The following SNX4 variants were observed in gnomAD, a reference collection of about 807,000 sequenced individuals.
SNX4 encodes the protein sorting nexin 4.
A neutral mutation model predicts 70.8 loss-of-function variants in SNX4; 49 were observed. That is an observed-to-expected ratio of 0.69 (90% CI 0.55 to 0.88). The LOEUF (loss-of-function observed/expected upper bound fraction) is 0.88, where lower values mean the gene tolerates loss of function less well. Among genes scored for constraint, SNX4 ranks in the 40% least tolerant of loss-of-function variants. The pLI is 0.00. For synonymous variants in SNX4, 206 were observed against 183.8 expected, an observed-to-expected ratio of 1.12 and a Z score of -0.98; for missense variants, 528 against 544.8, an observed-to-expected ratio of 0.97 and a Z score of 0.31.
In SNX4 at chr3:125,500,142, G is replaced by C. The variant is rs888755894; in HGVS notation, c.264-1948C>G. On this transcript the variant is annotated intron_variant, in intron 2 of 13. Transcript: ENST00000251775. ...TCATTATAAACTGACTAAAAGCACA[G>C]AGAAGACTTTCATTAGACCCCAAAA... 5.6e-4 allele frequency among the ~76,000 whole-genome samples: 84 copies of C among 150,778 alleles called. 1 individual carries two copies. Among genetic ancestry groups the C allele is most frequent in the Admixed American group, 6.6e-4 (10 of 15,132 alleles).
chr3:125,462,497 G>C (rs534418848), intron 9 of SNX4, among the ~76,000 whole-genome samples: 63 of 151,004 alleles, frequency 4.2e-4, no homozygotes, highest in African/African-American at 1.5e-3. Flanking sequence ...GGCTAATTTG[G>C]GAGGAATGCC....
intron 8 of SNX4, among the ~76,000 whole-genome samples, chr3:125,475,993 G>T (rs1054387179): frequency 6.6e-6 from 1 of 151,346 alleles, no homozygotes; most frequent in African/African-American, 2.4e-5. Context: ...AAAAAACCGG[G>T]TGCAGTGGCA....
At chr3:125,467,732 G>A (rs572351878) in intron 9 of SNX4, among the ~76,000 whole-genome samples, 1 of 151,986 alleles carries the variant, frequency 6.6e-6, no homozygotes, top group Non-Finnish European at 1.5e-5. Flanking sequence ...ATTACTAAAA[G>A]GTCAAAAAAT....
chr3:125,495,744 C>T (rs1329664522), intron 5 of SNX4, among the ~76,000 whole-genome samples: 2 of 152,082 alleles, frequency 1.3e-5, no homozygotes, highest in Non-Finnish European at 1.5e-5. Flanking sequence ...CTATTAACTG[C>T]AGTAAAGACT....
chr3:125,471,594 A>T (rs1934176188), intron 8 of SNX4, among the ~76,000 whole-genome samples: 1 of 152,132 alleles, frequency 6.6e-6, no homozygotes, highest in South Asian at 2.1e-4. Context: ...TTCCATATGG[A>T]TTCACAACCT....
intron 9 of SNX4, among the ~76,000 whole-genome samples, chr3:125,463,906 C>T (rs984838853): frequency 2.0e-5 from 3 of 151,990 alleles, no homozygotes; most frequent in Non-Finnish European, 4.4e-5. Flanking sequence ...TTAATAGTGT[C>T]GCTTTTTAAA....
intron 2 of SNX4, among the ~76,000 whole-genome samples, chr3:125,501,846 T>C (rs766378433): frequency 6.6e-6 from 1 of 152,254 alleles, no homozygotes; most frequent in Admixed American, 6.5e-5. Context: ...CACACATTTA[T>C]TGATGATCTA....
At chr3:125,509,466 A>G (rs1250711025) in intron 1 of SNX4, among the ~76,000 whole-genome samples, 1 of 151,940 alleles carries the variant, frequency 6.6e-6, no homozygotes, top group Admixed American at 6.6e-5. Flanking sequence ...ATACAACCCA[A>G]TTGGGCTGGG....
chr3:125,503,789 A>G (rs1934982181), intron 2 of SNX4, among the ~76,000 whole-genome samples: 1 of 152,194 alleles, frequency 6.6e-6, no homozygotes, highest in African/African-American at 2.4e-5. Context: ...TATTTATTCC[A>G]GATTCCAAAA....
At position 125,465,939 on chromosome 3, in the gene SNX4, G is replaced by A. The variant is rs1053944540; in HGVS notation, c.854+3515C>T. Among the ~76,000 whole-genome samples, 28 of 152,168 alleles carry A rather than the reference G, an allele frequency of 1.8e-4. 1 individual carries two copies. The highest frequency in any genetic ancestry group is 4.6e-4 in the Admixed American group (7 of 15,280). ...ATTAAAAGTGTGAGCCATTGTGCCC[G>A]GCCCATGTAAACTTTAGAATTAGCA... On this transcript the variant is annotated intron_variant, in intron 9 of 13. Transcript: ENST00000251775.
Position 125,495,275 on chromosome 3 carries a change from T to TATATACAC in SNX4, c.597+2065_597+2066insGTGTATAT. Among the ~76,000 whole-genome samples the TATATACAC allele has an allele frequency of 1.1e-3, 95 of 83,060 alleles. 2 individuals carry two copies. The highest frequency in any genetic ancestry group is 3.2e-3 in the African/African-American group (89 of 27,588). The allele number at this position is 83,060 out of a possible 152,430, so 54.5% of individuals were successfully genotyped here. A position where few individuals can be genotyped will look rare whatever the true frequency, so the allele number is the denominator to read the frequency against. On this transcript the variant is annotated intron_variant, in intron 5 of 13. Coordinates refer to ENST00000251775, the MANE Select transcript of SNX4 (RefSeq NM_003794.4). ...TTATATATATATATATATATATATA[T>TATATACAC]ATACACATACACACACACACACGTA...
At chr3:125,492,107 C>CAAAAAAAAAA (rs60558490) in intron 5 of SNX4, among the ~76,000 whole-genome samples, 13 of 47,392 alleles carry the variant, frequency 2.7e-4, no homozygotes, top group East Asian at 7.1e-4. Flanking sequence ...GACTCCATCT[C>CAAAAAAAAAA]AAAAAAAAAA....
At chr3:125,504,565 A>C in intron 2 of SNX4, 58 bp downstream of exon 2, 4 of 1,520,502 alleles carry the variant, frequency 2.6e-6, no homozygotes, top group Non-Finnish European at 3.6e-6. Context: ...AGTCTGCATC[A>C]ATAGCTATCA....
At chr3:125,461,736 A>G (rs1933890278) in intron 9 of SNX4, among the ~76,000 whole-genome samples, 1 of 151,028 alleles carries the variant, frequency 6.6e-6, no homozygotes, top group South Asian at 2.1e-4. Context: ...ATCTTGGCTC[A>G]CTGCAAGCTC....
intron 5 of SNX4, among the ~76,000 whole-genome samples, chr3:125,490,608 C>T (rs981612031): frequency 6.6e-6 from 1 of 150,872 alleles, no homozygotes; most frequent in South Asian, 2.1e-4. Flanking sequence ...CAATTACTTT[C>T]TAGCTAGCAG....
chr3:125,519,938 G>A lies in SNX4; in HGVS notation c.141+94C>T, dbSNP rs1191527975. The A allele has an allele frequency of 4.8e-6, 4 of 835,456 alleles. No homozygotes were observed. The African/African-American group carries it at 1.0e-4, about 21-fold the overall frequency. The allele number at this position is 835,456 out of a possible 1,614,324, so 51.8% of individuals were successfully genotyped here. ...CTGGGCCTCCTCGGCCGAGCCCACT[G>A]GCCCGGCCCGGCCCAGCCCAGCCCA... On this transcript the variant is annotated intron_variant, in intron 1 of 13. Coordinates refer to ENST00000251775, the MANE Select transcript of SNX4 (RefSeq NM_003794.4).
intron 6 of SNX4, among the ~76,000 whole-genome samples, chr3:125,486,161 T>A (rs1338227029): frequency 6.6e-6 from 1 of 152,184 alleles, no homozygotes; most frequent in African/African-American, 2.4e-5. Context: ...CTTAATACGA[T>A]GTACCTCGAG....
chr3:125,500,855 A>T, intron 2 of SNX4, among the ~76,000 whole-genome samples: 1 of 148,708 alleles, frequency 6.7e-6, no homozygotes. Flanking sequence ...TAGAGTTAAC[A>T]CTAATTTTTA....
chr3:125,495,105 T>C (rs1325003479), intron 5 of SNX4, among the ~76,000 whole-genome samples: 3 of 151,616 alleles, frequency 2.0e-5, no homozygotes, highest in Non-Finnish European at 4.4e-5. Context: ...AGTAGTAAAG[T>C]ATAGCAGGAA....
Sources: allele counts gnomAD v4.1 joint callset (sites outside exome capture counted in the v4.1 genomes callset), GRCh38; gene constraint gnomAD v4.1.1; transcripts MANE v1.5; gene names NCBI Gene and HGNC (gene_info 2026-07-23, HGNC 2026-07-21).